The following CNBD1 variants were observed in gnomAD, a reference collection of about 807,000 sequenced individuals.
The protein encoded by CNBD1 is cyclic nucleotide binding domain containing 1.
Under a neutral mutation model 54.4 loss-of-function variants are expected in CNBD1, and 71 were observed. The observed-to-expected ratio is 1.30, with a 90% CI of 1.08 to 1.59. The LOEUF (loss-of-function observed/expected upper bound fraction) is 1.59, where lower values mean the gene tolerates loss of function less well. Ranked by LOEUF, CNBD1 falls within the 40% of genes most tolerant of loss-of-function variation. The pLI is 0.00. For synonymous variants in CNBD1, 182 were observed against 170.7 expected (o/e 1.07, Z -0.51); for missense variants, 659 against 518.0 (o/e 1.27, Z -2.64).
intron 6 of CNBD1, among the ~76,000 whole-genome samples, chr8:87,241,710 C>A (rs1165459770): frequency 2.0e-5 from 3 of 152,010 alleles, no homozygotes; most frequent in Non-Finnish European, 4.4e-5. Flanking sequence ...TGATTAAATT[C>A]TTAGTTTGTG....
intron 8 of CNBD1, among the ~76,000 whole-genome samples, chr8:87,292,100 G>A (rs1808798180): frequency 6.6e-6 from 1 of 152,152 alleles, no homozygotes; most frequent in Middle Eastern, 3.2e-3. Context: ...TGCTGTCATT[G>A]ATTCAATCTT....
intron 4 of CNBD1, among the ~76,000 whole-genome samples, chr8:87,093,626 G>C (rs748526954): frequency 3.9e-5 from 6 of 151,948 alleles, no homozygotes; most frequent in Non-Finnish European, 8.8e-5. Context: ...CCAAATGACG[G>C]GTTACTATTG....
intron 4 of CNBD1, among the ~76,000 whole-genome samples, chr8:87,046,826 C>T (rs192264779): frequency 5.9e-5 from 9 of 152,194 alleles, no homozygotes; most frequent in Admixed American, 3.3e-4. Context: ...TTAATGCAGG[C>T]GCTCTCAGTC....
intron 4 of CNBD1, among the ~76,000 whole-genome samples, chr8:87,045,248 C>T (rs2130615377): frequency 6.6e-6 from 1 of 152,202 alleles, no homozygotes; most frequent in Admixed American, 6.5e-5. Context: ...AGGGTCCAAA[C>T]TTAACACAAG....
chr8:87,235,987 T>C (rs1262306741), intron 5 of CNBD1, among the ~76,000 whole-genome samples: 1 of 152,022 alleles, frequency 6.6e-6, no homozygotes, highest in Non-Finnish European at 1.5e-5. Context: ...GAATTGTGAC[T>C]AAGAAAGTCA....
intron 8 of CNBD1, among the ~76,000 whole-genome samples, chr8:87,322,417 C>G (rs1305008152): frequency 1.7e-5 from 2 of 119,832 alleles, no homozygotes; most frequent in Non-Finnish European, 3.7e-5. Flanking sequence ...TACAGTCCCA[C>G]CAACAGTGTA....
At chr8:86,869,514 A>G (rs1373327798) in intron 1 of CNBD1, among the ~76,000 whole-genome samples, 2 of 152,220 alleles carry the variant, frequency 1.3e-5, no homozygotes, top group Admixed American at 6.5e-5. Flanking sequence ...TCAGACTCAG[A>G]CACTTCAAGT....
intron 10 of CNBD1, among the ~76,000 whole-genome samples, chr8:87,366,521 T>A (rs1197845737): frequency 6.6e-6 from 1 of 152,100 alleles, no homozygotes; most frequent in African/African-American, 2.4e-5. Context: ...ACAATTCATG[T>A]GATTGGGCTA....
chr8:87,028,367 T>C (rs2130589101), intron 4 of CNBD1, among the ~76,000 whole-genome samples: 1 of 152,318 alleles, frequency 6.6e-6, no homozygotes, highest in Middle Eastern at 3.4e-3. Flanking sequence ...GGAGATCTTC[T>C]AAGACTCCCA....
intron 2 of CNBD1, among the ~76,000 whole-genome samples, chr8:86,894,733 CCT>C (rs1808825229): frequency 2.0e-5 from 3 of 152,194 alleles, no homozygotes; most frequent in South Asian, 4.1e-4. Context: ...TGATTTTTTT[CCT>C]CTGTTTCCAT....
intron 4 of CNBD1, among the ~76,000 whole-genome samples, chr8:87,058,219 T>A (rs559572616): frequency 1.3e-5 from 2 of 152,164 alleles, no homozygotes; most frequent in Non-Finnish European, 2.9e-5. Flanking sequence ...AGAGGTGGGC[T>A]CCCAAAGCCT....
Position 87,220,204 on chromosome 8 carries a change from G to A in CNBD1, c.577+14066G>A, listed in dbSNP as rs540866476. 4.8e-4 allele frequency among the ~76,000 whole-genome samples: 73 copies of A among 151,916 alleles called. 1 individual carries two copies. The South Asian group carries it at 0.015, about 32-fold the overall frequency. On this transcript the variant is annotated intron_variant, in intron 5 of 10. Coordinates refer to ENST00000518476, the MANE Select transcript of CNBD1 (RefSeq NM_173538.3). ...TATGAATATGATGAATTCACTTAATGCTATGAATATGATGAATTCTCATTT... is the reference window on the plus strand; with the variant it reads ...TATGAATATGATGAATTCACTTAATACTATGAATATGATGAATTCTCATTT...
chr8:87,101,930 C>T (rs1811435896), intron 4 of CNBD1, among the ~76,000 whole-genome samples: 1 of 150,480 alleles, frequency 6.6e-6, no homozygotes, highest in Admixed American at 6.7e-5. Flanking sequence ...GCTCTGTCAC[C>T]CAGGCTGGAG....
chr8:87,073,824 G>T (rs546928042), intron 4 of CNBD1, among the ~76,000 whole-genome samples: 3 of 152,096 alleles, frequency 2.0e-5, no homozygotes, highest in African/African-American at 4.8e-5. Context: ...AGTCTGGGCC[G>T]GGTGCAGTGG....
At chr8:87,297,331 C>T (rs985616418) in intron 8 of CNBD1, among the ~76,000 whole-genome samples, 1 of 151,744 alleles carries the variant, frequency 6.6e-6, no homozygotes, top group Non-Finnish European at 1.5e-5. Context: ...TGTTATTGTA[C>T]ACTTACAGCG....
At chr8:87,247,565 C>T (rs977469153) in intron 6 of CNBD1, among the ~76,000 whole-genome samples, 1 of 152,150 alleles carries the variant, frequency 6.6e-6, no homozygotes, top group Admixed American at 6.5e-5. Flanking sequence ...ATGTGTCACA[C>T]AAGTAAGCAA....
At position 87,243,290 on chromosome 8, in the gene CNBD1, C is replaced by T. The variant is rs914408500; in HGVS notation, c.771+6178C>T. Among the ~76,000 whole-genome samples the T allele has an allele frequency of 2.0e-5, 3 of 152,204 alleles. No homozygotes were observed. The East Asian group carries it at 5.8e-4, about 29-fold the overall frequency. On this transcript the variant is annotated intron_variant, in intron 6 of 10. Coordinates refer to ENST00000518476, the MANE Select transcript of CNBD1 (RefSeq NM_173538.3). ...TTGAATAGCAATTTCATCTTCAGAT[C>T]CTGGATAAAACTCAACCAATTTGTT...
At chr8:87,359,363 C>T (rs1254765064) in intron 10 of CNBD1, among the ~76,000 whole-genome samples, 3 of 151,896 alleles carry the variant, frequency 2.0e-5, no homozygotes, top group African/African-American at 7.3e-5. Context: ...TGATGTGTGC[C>T]TAATTGAATA....
intron 4 of CNBD1, among the ~76,000 whole-genome samples, chr8:86,999,641 G>A (rs1379721972): frequency 6.6e-6 from 1 of 151,764 alleles, no homozygotes. Flanking sequence ...CCACCATTTT[G>A]CCTTTAGATT....
Sources: gnomAD v4.1 joint callset for allele counts (sites outside exome capture counted in the v4.1 genomes callset) on GRCh38, gnomAD v4.1.1 for gene constraint, MANE v1.5 for transcripts, NCBI Gene and HGNC (gene_info 2026-07-23, HGNC 2026-07-21) for gene names.